Variants in KCNN2 observed in about 807,000 individuals in gnomAD.
KCNN2 encodes the protein potassium calcium-activated channel subfamily N member 2.
Under a neutral mutation model 55.5 loss-of-function variants are expected in KCNN2, and 24 were observed. That is an observed-to-expected ratio of 0.43 (90% CI 0.31 to 0.61). The LOEUF (loss-of-function observed/expected upper bound fraction) is 0.61. Ranked by LOEUF, KCNN2 falls within the 20% of genes least tolerant of loss-of-function variation. The pLI is 0.08. For missense variants in KCNN2, 754 were observed against 853.6 expected (o/e 0.88, Z 1.45); for synonymous variants, 431 against 336.1 (o/e 1.28, Z -3.09).
At chr5:114,237,215 C>T (rs1174589103) in intron 2 of KCNN2, among the ~76,000 whole-genome samples, 1 of 151,032 alleles carries the variant, frequency 6.6e-6, no homozygotes, top group Non-Finnish European at 1.5e-5. Context: ...TCAAAAACTT[C>T]ACCATTCAAA....
At chr5:114,467,268 C>G (rs1332578435) in intron 4 of KCNN2, among the ~76,000 whole-genome samples, 2 of 152,190 alleles carry the variant, frequency 1.3e-5, no homozygotes, top group Non-Finnish European at 1.5e-5. Context: ...AACCTAAGGT[C>G]TGATTATACT....
At chr5:114,109,268 C>G (rs1751547252) in intron 1 of KCNN2, among the ~76,000 whole-genome samples, 1 of 152,094 alleles carries the variant, frequency 6.6e-6, no homozygotes, top group Non-Finnish European at 1.5e-5. Flanking sequence ...TATAGGGCAG[C>G]TTTCTTCACC....
At chr5:114,244,248 C>T (rs1754703760) in intron 2 of KCNN2, among the ~76,000 whole-genome samples, 1 of 151,970 alleles carries the variant, frequency 6.6e-6, no homozygotes, top group African/African-American at 2.4e-5. Flanking sequence ...AAACAGACTC[C>T]TAAGAGTAGC....
intron 1 of KCNN2, among the ~76,000 whole-genome samples, chr5:114,204,465 T>C (rs544527406): frequency 1.3e-5 from 2 of 152,340 alleles, no homozygotes; most frequent in Non-Finnish European, 2.9e-5. Context: ...TCAGATCTCT[T>C]GCCTTGAAGT....
intron 5 of KCNN2, among the ~76,000 whole-genome samples, chr5:114,483,123 G>T (rs571528335): frequency 6.6e-6 from 1 of 151,094 alleles, no homozygotes; most frequent in Non-Finnish European, 1.5e-5. Flanking sequence ...AAAATATTTT[G>T]TATCTTACTA....
At chr5:114,070,699 T>C (rs1054737800) in intron 1 of KCNN2, among the ~76,000 whole-genome samples, 1 of 152,204 alleles carries the variant, frequency 6.6e-6, no homozygotes, top group Non-Finnish European at 1.5e-5. Context: ...CCTAATATTT[T>C]ATCAATTTTA....
At chr5:114,361,983 T>G (rs1757435249), upstream of KCNN2, 1 of 153,006 alleles carries the variant, frequency 6.5e-6, no homozygotes, top group Admixed American at 6.5e-5. Flanking sequence ...TGCCCATTGT[T>G]TTGGTGCGCC....
chr5:114,163,290 C>T (rs920915987), intron 1 of KCNN2, among the ~76,000 whole-genome samples: 2 of 152,098 alleles, frequency 1.3e-5, no homozygotes, highest in Non-Finnish European at 2.9e-5. Flanking sequence ...ATTTATTTCT[C>T]TTGCCTGATT....
chr5:114,209,852 A>C (rs1753844753), intron 1 of KCNN2, among the ~76,000 whole-genome samples: 1 of 152,206 alleles, frequency 6.6e-6, no homozygotes, highest in Non-Finnish European at 1.5e-5. Flanking sequence ...TCTCTAACTT[A>C]AATACATTCA....
At chr5:114,160,136 C>T (rs1752737699) in intron 1 of KCNN2, among the ~76,000 whole-genome samples, 1 of 152,120 alleles carries the variant, frequency 6.6e-6, no homozygotes, top group Non-Finnish European at 1.5e-5. Context: ...CTCTCGTGGG[C>T]ATTTAGTGCT....
At chr5:114,102,288 T>G (rs183832229) in intron 1 of KCNN2, among the ~76,000 whole-genome samples, 2,113 of 152,146 alleles carry the variant, frequency 0.014, 41 homozygotes, top group African/African-American at 0.048. Context: ...TTGTTTGTTT[T>G]TTTTTTCTTG....
At chr5:114,348,040 A>G (rs867559937) in intron 2 of KCNN2, among the ~76,000 whole-genome samples, 3 of 152,172 alleles carry the variant, frequency 2.0e-5, no homozygotes, top group Non-Finnish European at 4.4e-5. Context: ...TTGACCACTG[A>G]GTCCTTTAAG....
chr5:114,270,461 A>C (rs1454407564), intron 2 of KCNN2, among the ~76,000 whole-genome samples: 3 of 152,192 alleles, frequency 2.0e-5, no homozygotes. Context: ...AAATGCAAGA[A>C]TATGGTAATA....
chr5:114,258,188 A>G (rs1755019666), intron 2 of KCNN2, among the ~76,000 whole-genome samples: 1 of 152,162 alleles, frequency 6.6e-6, no homozygotes, highest in Non-Finnish European at 1.5e-5. Context: ...TCCCTGGAAT[A>G]AAATTTAGTT....
chr5:114,215,840 T>A (rs1753989604), intron 1 of KCNN2, among the ~76,000 whole-genome samples: 1 of 152,174 alleles, frequency 6.6e-6, no homozygotes, highest in Admixed American at 6.6e-5. Flanking sequence ...GTATAAATTT[T>A]CTGTCTGGGC....
chr5:114,465,197 TC>T (rs1761384915), intron 4 of KCNN2, among the ~76,000 whole-genome samples: 1 of 152,232 alleles, frequency 6.6e-6, no homozygotes, highest in East Asian at 1.9e-4. Context: ...CTTGATATTT[TC>T]TTGTTCCTCG....
chr5:114,288,272 G>A (rs3101069), intron 2 of KCNN2, among the ~76,000 whole-genome samples: 90,216 of 151,932 alleles, frequency 0.59, 27,101 homozygotes, highest in East Asian at 0.88. Context: ...TGCTATTGCA[G>A]ATAGTCCTGT....
intron 1 of KCNN2, among the ~76,000 whole-genome samples, chr5:114,116,173 A>C (rs1297486343): frequency 6.6e-6 from 1 of 152,096 alleles, no homozygotes; most frequent in African/African-American, 2.4e-5. Context: ...GACCTCCCCA[A>C]GTCACAAAGA....
At chr5:114,328,208 C>T (rs1167111205) in intron 2 of KCNN2, among the ~76,000 whole-genome samples, 2 of 152,112 alleles carry the variant, frequency 1.3e-5, no homozygotes, top group Non-Finnish European at 2.9e-5. Context: ...AGCATTATGA[C>T]TACAATTTAT....
Sources: gnomAD v4.1 joint callset for allele counts (sites outside exome capture counted in the v4.1 genomes callset) on GRCh38, gnomAD v4.1.1 for gene constraint, MANE v1.5 for transcripts, NCBI Gene and HGNC (gene_info 2026-07-23, HGNC 2026-07-21) for gene names.